The following NFRKB variants were observed in gnomAD, a reference collection of about 807,000 sequenced individuals.
NFRKB encodes nuclear factor related to kappa-B-binding protein.
A neutral mutation model predicts 135.7 loss-of-function variants in NFRKB; 62 were observed. The observed-to-expected ratio is 0.46, with a 90% CI of 0.37 to 0.56. The LOEUF is 0.56. NFRKB is among the 20% of genes least tolerant of loss of function. NFRKB has a pLI of 0.00. For missense variants in NFRKB, 1,545 were observed against 1,662.0 expected (o/e 0.93, Z 1.22); for synonymous variants, 678 against 635.6 (o/e 1.07, Z -1.00).
In NFRKB at chr11:129,864,607, A is replaced by T; in HGVS notation, c.*118T>A. 2.1e-6 allele frequency: 3 copies of T among 1,429,826 alleles called. No individual in the cohort carries two copies. The highest frequency in any genetic ancestry group is 2.9e-6 in the Non-Finnish European group (3 of 1,048,096). The allele number at this position is 1,429,826 out of a possible 1,614,324, so 88.6% of individuals were successfully genotyped here. A position where few individuals can be genotyped will look rare whatever the true frequency, so the allele number is the denominator to read the frequency against. ...ACGAATCCAGGCCACCGTTGCCATC[A>T]CCCCTCGCCTGGCTGCCTTGAACAG... On this transcript the variant is annotated 3_prime_UTR_variant, in exon 27 of 27. Transcript: ENST00000682444.
chr11:129,879,147 C>T lies in NFRKB; in HGVS notation c.1385-604G>A, dbSNP rs149366126. Among the ~76,000 whole-genome samples the T allele has an allele frequency of 7.9e-3, 1,197 of 152,308 alleles. 19 individuals are homozygous for T. The highest frequency in any genetic ancestry group is 0.027 in the African/African-American group (1,128 of 41,562). On this transcript the variant is annotated intron_variant, in intron 13 of 26. Transcript: ENST00000682444. ...GATGGCACCTGTGTCTCCTGCCCAG[C>T]ATAGAAGCCACAGGACCATCATCGG...
At chr11:129,883,308 G>A (rs945411465) in intron 8 of NFRKB, 102 bp from the exon 9 acceptor site, 13 of 804,054 alleles carry the variant, frequency 1.6e-5, no homozygotes, top group East Asian at 1.2e-4. Context: ...GGTACACTTG[G>A]GGAAATCACA....
intron 23 of NFRKB, among the ~76,000 whole-genome samples, chr11:129,870,495 G>C (rs1013619529): frequency 8.5e-5 from 13 of 152,076 alleles, no homozygotes; most frequent in African/African-American, 3.1e-4. Flanking sequence ...GTGGGGGAGG[G>C]AGGAATTAGA....
At chr11:129,882,406 T>C (rs758543558) in intron 10 of NFRKB, 45 bp downstream of exon 10, 20 of 1,600,444 alleles carry the variant, frequency 1.2e-5, no homozygotes, top group Non-Finnish European at 1.7e-5. Flanking sequence ...GCCTATGGCT[T>C]ACCCATTCAC....
Position 129,888,704 on chromosome 11 carries a change from T to C in NFRKB, c.227A>G (p.Gln76Arg). 6.2e-7 allele frequency: 1 copy of C among 1,614,190 alleles called. No individual in the cohort carries two copies. Among genetic ancestry groups the C allele is most frequent in the South Asian group, 1.1e-5 (1 of 91,084 alleles). The change falls in exon 4 of 27, where the codon CAG (glutamine) becomes CGG (arginine). Residue 76 changes from glutamine (Q) to arginine (R), a missense_variant. Physicochemically the swap from Gln to Arg is conservative, Grantham distance 43 (BLOSUM62 1). This residue lies in a region of NFRKB where 678 missense variants were observed against 646.7 expected (regional missense o/e 1.05). Coordinates refer to ENST00000682444, the MANE Select transcript of NFRKB (RefSeq NM_001143835.2). Reference sequence around the variant, plus strand: ...CTGCTCAGCACTGTCTTCAGGAAACTGGGGCAGAAACTGCTGGAGGTGTTC... The same window carrying C: ...CTGCTCAGCACTGTCTTCAGGAAACCGGGGCAGAAACTGCTGGAGGTGTTC... ...QREHLQQFLP[Q>R]FPEDSAEQQN...
intron 7 of NFRKB, 72 bp from the exon 8 acceptor site, chr11:129,884,215 G>T: frequency 6.7e-7 from 1 of 1,484,282 alleles, no homozygotes; most frequent in Non-Finnish European, 9.4e-7. Context: ...ACTTTCAAAA[G>T]TAAGATATTT....
Position 129,873,793 on chromosome 11 carries a change from C to T in NFRKB, c.2502G>A (p.Pro834=), listed in dbSNP as rs753515976. 3.2e-5 allele frequency: 52 copies of T among 1,614,018 alleles called. No individual in the cohort carries two copies. The highest frequency in any genetic ancestry group is 1.3e-4 in the Admixed American group (8 of 59,994). Reference sequence around the variant, plus strand: ...TGGCAGTGGCTGGAACCCGGATCTGCGGTCCTGCTGGCATCTGTGGCAATG... The same window carrying T: ...TGGCAGTGGCTGGAACCCGGATCTGTGGTCCTGCTGGCATCTGTGGCAATG... ...AQTLPQMPAG[P]QIRVPATATQ... Residue 834 remains proline (P), a synonymous_variant, in exon 22 of 27, where the codon CCG becomes CCA. Transcript: ENST00000682444.
chr11:129,878,686 TC>T (rs1948889103), intron 13 of NFRKB, 143 bp from the exon 14 acceptor site: 3 of 723,176 alleles, frequency 4.1e-6, no homozygotes, highest in African/African-American at 3.5e-5. Context: ...TCCACTGCCT[TC>T]CAGCTGGCGG....
chr11:129,873,632 G>A, intron 22 of NFRKB, 113 bp downstream of exon 22: 1 of 1,389,670 alleles, frequency 7.2e-7, no homozygotes, highest in Non-Finnish European at 9.9e-7. Flanking sequence ...GTCATCACCA[G>A]TAGCAATAAT....
chr11:129,891,439 T>C (rs7942161), intron 3 of NFRKB, among the ~76,000 whole-genome samples: 57,583 of 152,062 alleles, frequency 0.38, 11,524 homozygotes, highest in East Asian at 0.47. Flanking sequence ...ACATAAATAA[T>C]GATCAGCTCA....
intron 23 of NFRKB, 23 bp from the exon 24 acceptor site, chr11:129,870,284 G>C: frequency 2.5e-6 from 4 of 1,600,036 alleles, no homozygotes; most frequent in Non-Finnish European, 3.4e-6. Context: ...AAGCAGCACT[G>C]ATGAGGGATT....
Position 129,882,509 on chromosome 11 carries a change from C to T in NFRKB, c.1024G>A (p.Gly342Arg). 1 of 1,614,078 alleles carries T rather than the reference C, an allele frequency of 6.2e-7. No individual in the cohort carries two copies. Among genetic ancestry groups the T allele is most frequent in the South Asian group, 1.1e-5 (1 of 91,080 alleles). ...GGGGCCTGTGAGAGAGGTGCGACCC[C>T]TTCAGTACTGCTTAGCGGCTCGGCC... is the stretch of plus-strand genomic sequence containing the variant. ...DLAEPLSSTE[G>R]VAPLSQAPSP... is the part of the protein sequence containing the mutation. The change falls in exon 10 of 27, where the codon GGG becomes AGG. Residue 342 changes from glycine (G) to arginine (R), a missense_variant. Transcript: ENST00000682444.
In NFRKB at chr11:129,886,440, T is replaced by C; in HGVS notation, c.342A>G (p.Gly114=). The C allele has an allele frequency of 6.2e-7, 1 of 1,613,540 alleles. No individual in the cohort carries two copies. Among genetic ancestry groups the C allele is most frequent in the Non-Finnish European group, 8.5e-7 (1 of 1,179,860 alleles). The change falls in exon 5 of 27, where the codon GGA becomes GGG. Residue 114 remains glycine, a synonymous_variant. Transcript: ENST00000682444. The part of the protein sequence containing the change: ...LHIAQKLFRD[G]HFNPEVVKYR... Reference sequence around the variant, plus strand: ...ACTTGACCACCTCGGGGTTAAAGTGTCCGTCTTAAAAAAATAAAGGTATAT... The same window carrying C: ...ACTTGACCACCTCGGGGTTAAAGTGCCCGTCTTAAAAAAATAAAGGTATAT...
Position 129,884,759 on chromosome 11 carries a change from T to G in NFRKB, c.728A>C (p.Asp243Ala). Residue 243 changes from aspartate to alanine, a missense_variant, in exon 7 of 27, where the codon GAT becomes GCT. Asp to Ala is a moderately radical substitution (Grantham distance 126). Around this residue, in one of 3 missense-constraint regions of NFRKB, gnomAD observed 678 missense variants for 646.7 expected, o/e 1.05. Transcript: ENST00000682444. ...LRVVPTLSTT[D>A]MKTADKVELG... ...TTGGTTCTCACCTGCAGTTTTCATA[T>G]CCGTGGTTGAAAGTGTGGGCACCAC... The G allele has an allele frequency of 6.2e-7, 1 of 1,613,990 alleles. No homozygotes were observed. The highest frequency in any genetic ancestry group is 8.5e-7 in the Non-Finnish European group (1 of 1,180,032).
chr11:129,873,004 A>G lies in NFRKB; in HGVS notation c.2643T>C (p.Ser881=). 1.2e-6 allele frequency: 2 copies of G among 1,614,110 alleles called. No homozygotes were observed. The highest frequency in any genetic ancestry group is 1.1e-5 in the South Asian group (1 of 91,068). The change falls in exon 23 of 27, where the codon AGT becomes AGC. Residue 881 remains serine (S), a synonymous_variant. Transcript: ENST00000682444. ...GPGQTGLTVT[S]LPATASPVSK... is the part of the protein sequence containing the mutation. Reference sequence around the variant, plus strand: ...TCACAGGGCTGGCTGTGGCAGGGAGACTTGTCACCGTGAGCCCTGTCTGCC... The same window carrying G: ...TCACAGGGCTGGCTGTGGCAGGGAGGCTTGTCACCGTGAGCCCTGTCTGCC...
intron 4 of NFRKB, among the ~76,000 whole-genome samples, chr11:129,886,865 A>G (rs1949303889): frequency 6.6e-6 from 1 of 152,240 alleles, no homozygotes; most frequent in Non-Finnish European, 1.5e-5. Flanking sequence ...TGGGTCCCCA[A>G]CTTCTGCTCT....
At chr11:129,867,213 T>C (rs1373347881) in intron 24 of NFRKB, among the ~76,000 whole-genome samples, 1 of 152,118 alleles carries the variant, frequency 6.6e-6, no homozygotes, top group Non-Finnish European at 1.5e-5. Flanking sequence ...AGATGACACT[T>C]GATATAACCT....
chr11:129,884,945 C>A, intron 6 of NFRKB, 99 bp from the exon 7 acceptor site: 2 of 1,571,332 alleles, frequency 1.3e-6, no homozygotes, highest in Non-Finnish European at 1.7e-6. Flanking sequence ...GCTAAGCCAA[C>A]AACATGGAGG....
chr11:129,895,283 C>G (rs1949722051), intron 1 of NFRKB, among the ~76,000 whole-genome samples: 1 of 152,196 alleles, frequency 6.6e-6, no homozygotes, highest in Non-Finnish European at 1.5e-5. Context: ...AGGCCCGGGT[C>G]CAATCCTCAG....
Sources: gnomAD v4.1 joint callset for allele counts (sites outside exome capture counted in the v4.1 genomes callset) on GRCh38, gnomAD v4.1.1 for gene constraint, gnomAD v4.1.1 regional missense constraint, MANE v1.5 for transcripts, NCBI Gene and HGNC (gene_info 2026-07-23, HGNC 2026-07-21) for gene names.